GPC5: variants seen among roughly 807,000 people sequenced by gnomAD.
GPC5 encodes the protein glypican-5.
A neutral mutation model predicts 53.9 loss-of-function variants in GPC5; 47 were observed. The ratio of observed to expected loss-of-function variants is 0.87; its 90% CI spans 0.69 to 1.11. The LOEUF (loss-of-function observed/expected upper bound fraction) is 1.11. Among genes scored for constraint, GPC5 ranks in the 50% most tolerant of loss-of-function variants. The probability of loss-of-function intolerance (pLI) is 0.00; values close to 1 mark genes in which losing one functional copy is unlikely to be tolerated. For synonymous variants in GPC5, 286 were observed against 263.3 expected (o/e 1.09, Z -0.84); for missense variants, 748 against 713.1 (o/e 1.05, Z -0.56).
At chr13:92,144,781 T>A in intron 6 of GPC5, 49 bp from the exon 7 acceptor site, 6 of 1,544,852 alleles carry the variant, frequency 3.9e-6, no homozygotes, top group Non-Finnish European at 5.3e-6. Context: ...AGAATTCTTA[T>A]GTTATTCAAA....
intron 6 of GPC5, among the ~76,000 whole-genome samples, chr13:92,021,941 G>C (rs181062202): frequency 6.6e-6 from 1 of 152,070 alleles, no homozygotes. Context: ...TTTTGCTATA[G>C]TGAGGAACAT....
intron 7 of GPC5, among the ~76,000 whole-genome samples, chr13:92,303,894 G>A (rs2043092542): frequency 6.6e-6 from 1 of 152,164 alleles, no homozygotes; most frequent in Admixed American, 6.5e-5. Flanking sequence ...GTTTATAAGT[G>A]CATAAACTAG....
intron 2 of GPC5, among the ~76,000 whole-genome samples, chr13:91,630,846 T>G (rs1342977225): frequency 6.6e-6 from 1 of 152,100 alleles, no homozygotes; most frequent in Non-Finnish European, 1.5e-5. Context: ...TTTTTTTGTT[T>G]TTTGTTTTTG....
intron 6 of GPC5, among the ~76,000 whole-genome samples, chr13:92,097,838 A>G (rs2041433873): frequency 6.6e-6 from 1 of 152,208 alleles, no homozygotes; most frequent in South Asian, 2.1e-4. Context: ...ATGATCTGGA[A>G]GGTAGAGCAT....
At chr13:92,029,633 G>A (rs2040826076) in intron 6 of GPC5, among the ~76,000 whole-genome samples, 3 of 152,182 alleles carry the variant, frequency 2.0e-5, no homozygotes, top group Admixed American at 2.0e-4. Context: ...TAGGTTTGAG[G>A]AGAGTGTGAT....
chr13:92,424,590 T>C (rs866816755), intron 7 of GPC5, among the ~76,000 whole-genome samples: 1 of 152,188 alleles, frequency 6.6e-6, no homozygotes, highest in Middle Eastern at 3.4e-3. Context: ...ACAGATATAC[T>C]TCATTATTAT....
intron 1 of GPC5, among the ~76,000 whole-genome samples, chr13:91,414,115 C>G (rs536410449): frequency 2.0e-5 from 3 of 152,310 alleles, no homozygotes; most frequent in African/African-American, 7.2e-5. Context: ...GCTGTGTCCC[C>G]ACTCAAATCT....
At position 91,942,093 on chromosome 13, in the gene GPC5, C is replaced by T. The variant is rs577349244; in HGVS notation, c.1401+34036C>T. The stretch of plus-strand genomic sequence containing the variant: ...TAAGATCTAACTTCCTAGCAAATTT[C>T]AAGTATACAATACCATACTGTTAAC... On this transcript the variant is annotated intron_variant, in intron 6 of 7. Transcript: ENST00000377067. Among the ~76,000 whole-genome samples, 4 of 152,170 alleles carry T rather than the reference C, an allele frequency of 2.6e-5. No individual in the cohort carries two copies. In the East Asian group the frequency reaches 7.7e-4, roughly 29 times the overall value.
At chr13:92,183,742 T>A (rs1443816971) in intron 7 of GPC5, among the ~76,000 whole-genome samples, 1 of 152,072 alleles carries the variant, frequency 6.6e-6, no homozygotes, top group African/African-American at 2.4e-5. Context: ...ATTTTGTGGT[T>A]TTTAAATCAA....
chr13:92,826,584 A>G (rs1877855007), intron 7 of GPC5, among the ~76,000 whole-genome samples: 1 of 152,170 alleles, frequency 6.6e-6, no homozygotes, highest in Non-Finnish European at 1.5e-5. Context: ...ATAGAAAATT[A>G]GAATATCCTG....
At chr13:91,656,133 G>A (rs1176444700) in intron 2 of GPC5, among the ~76,000 whole-genome samples, 1 of 152,120 alleles carries the variant, frequency 6.6e-6, no homozygotes, top group Non-Finnish European at 1.5e-5. Context: ...AAGGCAATAA[G>A]GCCTTTTGTA....
At chr13:92,711,333 C>T (rs1888132676) in intron 7 of GPC5, among the ~76,000 whole-genome samples, 1 of 152,114 alleles carries the variant, frequency 6.6e-6, no homozygotes, top group Admixed American at 6.6e-5. Flanking sequence ...AAAATACTTG[C>T]CTCAACTTGT....
intron 3 of GPC5, among the ~76,000 whole-genome samples, chr13:91,721,573 A>G (rs1002560737): frequency 4.6e-5 from 7 of 152,204 alleles, no homozygotes; most frequent in African/African-American, 1.7e-4. Context: ...CTTAGAACAC[A>G]AATTTAGCCC....
chr13:91,993,210 C>T (rs2040472889), intron 6 of GPC5, among the ~76,000 whole-genome samples: 1 of 152,164 alleles, frequency 6.6e-6, no homozygotes, highest in South Asian at 2.1e-4. Context: ...GCCTTTATTT[C>T]TACCTCTGAA....
chr13:91,624,355 A>G (rs2033943976), intron 2 of GPC5, among the ~76,000 whole-genome samples: 1 of 152,174 alleles, frequency 6.6e-6, no homozygotes, highest in Non-Finnish European at 1.5e-5. Flanking sequence ...CAAAGAAAAT[A>G]TAGTATCACA....
At chr13:92,835,267 T>C (rs776178268) in intron 7 of GPC5, among the ~76,000 whole-genome samples, 53 of 152,176 alleles carry the variant, frequency 3.5e-4, no homozygotes, top group Non-Finnish European at 6.8e-4. Context: ...AGTGTAATTA[T>C]TATTATATTC....
At chr13:92,572,570 T>G in intron 7 of GPC5, among the ~76,000 whole-genome samples, 1 of 152,198 alleles carries the variant, frequency 6.6e-6, no homozygotes, top group East Asian at 1.9e-4. Context: ...AGGGGGTTTC[T>G]TTTTTAAAAT....
chr13:91,550,161 T>C (rs80065947), intron 2 of GPC5, among the ~76,000 whole-genome samples: 1 of 152,238 alleles, frequency 6.6e-6, no homozygotes, highest in African/African-American at 2.4e-5. Context: ...TACAGCCCAA[T>C]TCCAACTGTA....
intron 5 of GPC5, among the ~76,000 whole-genome samples, chr13:91,845,756 C>T (rs1047729944): frequency 2.6e-5 from 4 of 152,092 alleles, no homozygotes; most frequent in South Asian, 4.1e-4. Flanking sequence ...TCCTGTATTT[C>T]GTAACTTAAC....
Sources: gnomAD v4.1 joint callset for allele counts (sites outside exome capture counted in the v4.1 genomes callset) on GRCh38, gnomAD v4.1.1 for gene constraint, MANE v1.5 for transcripts, NCBI Gene and HGNC (gene_info 2026-07-23, HGNC 2026-07-21) for gene names.